The following MYO1D variants were observed in gnomAD, a reference collection of about 807,000 sequenced individuals.
MYO1D encodes the protein unconventional myosin-Id.
MYO1D carries 83 observed loss-of-function variants against 122.0 expected under a neutral mutation model. The observed-to-expected ratio is 0.68, with a 90% CI of 0.57 to 0.82. The LOEUF (loss-of-function observed/expected upper bound fraction) is 0.82, where lower values mean the gene tolerates loss of function less well. Ranked by LOEUF, MYO1D falls within the 40% of genes least tolerant of loss-of-function variation. The pLI, the probability that MYO1D is intolerant of heterozygous loss-of-function variation, is 0.00. For missense variants in MYO1D, 1,157 were observed against 1,269.5 expected (o/e 0.91, Z 1.35); for synonymous variants, 464 against 446.9 (o/e 1.04, Z -0.48).
At chr17:32,809,000 T>A (rs1567652405) in intron 1 of MYO1D, among the ~76,000 whole-genome samples, 2 of 152,196 alleles carry the variant, frequency 1.3e-5, no homozygotes, top group African/African-American at 4.8e-5. Context: ...TATACGTACA[T>A]ATAAATACAC....
intron 21 of MYO1D, among the ~76,000 whole-genome samples, chr17:32,539,250 G>A (rs8074380): frequency 6.7e-6 from 1 of 149,544 alleles, no homozygotes; most frequent in African/African-American, 2.5e-5. Flanking sequence ...AAGACCAGCC[G>A]AGGTGACGTA....
At chr17:32,516,795 G>A (rs60073948) in intron 21 of MYO1D, among the ~76,000 whole-genome samples, 5,819 of 152,296 alleles carry the variant, frequency 0.038, 362 homozygotes, top group African/African-American at 0.13. Context: ...TTACCTGGGA[G>A]AGAGAGAGCA....
At chr17:32,633,970 T>C (rs1481429234) in intron 20 of MYO1D, among the ~76,000 whole-genome samples, 1 of 152,212 alleles carries the variant, frequency 6.6e-6, no homozygotes, top group Non-Finnish European at 1.5e-5. Context: ...ACATATACTT[T>C]TCCCCATTGG....
At chr17:32,570,743 T>C (rs1432991261) in intron 21 of MYO1D, among the ~76,000 whole-genome samples, 1 of 152,180 alleles carries the variant, frequency 6.6e-6, no homozygotes, top group Non-Finnish European at 1.5e-5. Flanking sequence ...CACAAACCTC[T>C]AAAAACTCAG....
chr17:32,765,605 C>T (rs1466301888), intron 7 of MYO1D, among the ~76,000 whole-genome samples: 1 of 152,032 alleles, frequency 6.6e-6, no homozygotes, highest in African/African-American at 2.4e-5. Context: ...ACTACAGGTG[C>T]CTGACACCAC....
At chr17:32,525,303 A>C (rs1597876268) in intron 21 of MYO1D, among the ~76,000 whole-genome samples, 2 of 152,346 alleles carry the variant, frequency 1.3e-5, no homozygotes, top group South Asian at 4.1e-4. Context: ...GATCCTGAAG[A>C]GTTTTACATT....
At chr17:32,819,833 A>C (rs1025171829) in intron 1 of MYO1D, among the ~76,000 whole-genome samples, 1 of 152,238 alleles carries the variant, frequency 6.6e-6, no homozygotes, top group African/African-American at 2.4e-5. Context: ...ATTACAGAGA[A>C]GGAAACTGAG....
At chr17:32,658,173 A>G (rs1282081495) in intron 17 of MYO1D, among the ~76,000 whole-genome samples, 1 of 152,196 alleles carries the variant, frequency 6.6e-6, no homozygotes, top group East Asian at 1.9e-4. Flanking sequence ...TATATATTAA[A>G]GAGTTTTCTT....
chr17:32,791,769 ATAGT>A (rs1216134559), intron 1 of MYO1D, among the ~76,000 whole-genome samples: 1 of 152,136 alleles, frequency 6.6e-6, no homozygotes, highest in Non-Finnish European at 1.5e-5. Context: ...TCCTCTTTAT[ATAGT>A]TAATTAATTA....
intron 10 of MYO1D, among the ~76,000 whole-genome samples, chr17:32,759,537 G>A (rs939061887): frequency 6.6e-6 from 1 of 152,070 alleles, no homozygotes; most frequent in South Asian, 2.1e-4. Flanking sequence ...AAAAGTTTTT[G>A]TATTTTTCAA....
At chr17:32,688,325 T>C (rs1025807843) in intron 16 of MYO1D, among the ~76,000 whole-genome samples, 2 of 152,194 alleles carry the variant, frequency 1.3e-5, no homozygotes, top group African/African-American at 4.8e-5. Context: ...GCCCACACCA[T>C]CCCTATTGTT....
chr17:32,776,534 T>C (rs1206411910), intron 3 of MYO1D, among the ~76,000 whole-genome samples: 3 of 152,240 alleles, frequency 2.0e-5, no homozygotes, highest in African/African-American at 7.2e-5. Context: ...TTGTTTTTCA[T>C]TTTATAAATG....
chr17:32,844,852 T>C (rs539438557), intron 1 of MYO1D, among the ~76,000 whole-genome samples: 2 of 152,232 alleles, frequency 1.3e-5, no homozygotes, highest in Non-Finnish European at 2.9e-5. Context: ...TTATAAATCT[T>C]GTGTTTATGA....
chr17:32,747,893 A>C (rs1598061807), intron 12 of MYO1D, among the ~76,000 whole-genome samples: 1 of 152,192 alleles, frequency 6.6e-6, no homozygotes, highest in East Asian at 1.9e-4. Context: ...CAGACACACA[A>C]AGAGGAGGGC....
chr17:32,737,197 C>T (rs916777620), intron 14 of MYO1D, among the ~76,000 whole-genome samples: 4 of 152,062 alleles, frequency 2.6e-5, no homozygotes, highest in Admixed American at 6.6e-5. Context: ...AATGAAGAAA[C>T]TAAAAATAAC....
intron 2 of MYO1D, among the ~76,000 whole-genome samples, chr17:32,779,402 T>C (rs574746221): frequency 5.0e-4 from 76 of 151,492 alleles, no homozygotes; most frequent in Non-Finnish European, 8.8e-4. Context: ...ACTAGCTCTA[T>C]AGAAACACCA....
intron 21 of MYO1D, among the ~76,000 whole-genome samples, chr17:32,567,382 C>T (rs547875798): frequency 3.9e-5 from 6 of 152,316 alleles, no homozygotes; most frequent in African/African-American, 7.2e-5. Flanking sequence ...AATCAGCCAC[C>T]GTCAACTAAG....
intron 21 of MYO1D, among the ~76,000 whole-genome samples, chr17:32,574,341 A>C (rs2087259013): frequency 6.6e-6 from 1 of 152,054 alleles, no homozygotes; most frequent in Non-Finnish European, 1.5e-5. Context: ...GATGCACCCA[A>C]GATGAAATTT....
At chr17:32,855,205 T>G (rs1267799028) in intron 1 of MYO1D, among the ~76,000 whole-genome samples, 5 of 152,194 alleles carry the variant, frequency 3.3e-5, no homozygotes, top group Non-Finnish European at 7.3e-5. Context: ...AAAAACACAC[T>G]TTTATTGAAG....
Sources: gnomAD v4.1 joint callset for allele counts (sites outside exome capture counted in the v4.1 genomes callset) on GRCh38, gnomAD v4.1.1 for gene constraint, MANE v1.5 for transcripts, NCBI Gene and HGNC (gene_info 2026-07-23, HGNC 2026-07-21) for gene names.